FUT8: variants seen among roughly 807,000 people sequenced by gnomAD.
FUT8 encodes the protein fucosyltransferase 8, also known as alpha-(1,6)-fucosyltransferase.
In FUT8, 29 loss-of-function variants were observed where a neutral mutation model predicts 71.3. That is an observed-to-expected ratio of 0.41 (90% CI 0.30 to 0.55). The LOEUF is 0.55. FUT8 is among the 20% of genes least tolerant of loss of function. The pLI is 0.34. For missense variants in FUT8, 544 were observed against 702.1 expected, an observed-to-expected ratio of 0.77 and a Z score of 2.55; for synonymous variants, 254 against 239.3, an observed-to-expected ratio of 1.06 and a Z score of -0.57.
At chr14:65,487,324 G>GTGA (rs1220579803) in intron 2 of FUT8, among the ~76,000 whole-genome samples, 1 of 152,146 alleles carries the variant, frequency 6.6e-6, no homozygotes, top group Non-Finnish European at 1.5e-5. Flanking sequence ...AGCACTTTGG[G>GTGA]AGGCCAGGCA....
intron 2 of FUT8, among the ~76,000 whole-genome samples, chr14:65,475,376 A>C (rs937912742): frequency 1.3e-5 from 2 of 152,118 alleles, no homozygotes; most frequent in African/African-American, 4.8e-5. Flanking sequence ...ACAGAGCTAA[A>C]ATTTATTATT....
chr14:65,398,071 T>G, the FUT8 span, among the ~76,000 whole-genome samples: 1 of 152,378 alleles, frequency 6.6e-6, no homozygotes, highest in South Asian at 2.1e-4. Flanking sequence ...TGTAGAGATT[T>G]AATGAGCATC....
chr14:65,366,034 C>G, the FUT8 span, among the ~76,000 whole-genome samples: 1 of 152,092 alleles, frequency 6.6e-6, no homozygotes, highest in Non-Finnish European at 1.5e-5. Context: ...TAAACTTGCT[C>G]TCACTTTATG....
intron 2 of FUT8, chr14:65,468,228 A>C: frequency 1.6e-6 from 1 of 627,162 alleles, no homozygotes; most frequent in East Asian, 3.7e-5. Context: ...TGATGTCTAC[A>C]ATATCACCTT....
At chr14:65,645,701 C>T (rs1891093318) in intron 6 of FUT8, among the ~76,000 whole-genome samples, 1 of 152,140 alleles carries the variant, frequency 6.6e-6, no homozygotes, top group African/African-American at 2.4e-5. Context: ...ATTGTCTACA[C>T]TACATTTTCA....
intron 7 of FUT8, among the ~76,000 whole-genome samples, chr14:65,717,404 A>T (rs1895163296): frequency 7.5e-6 from 1 of 132,638 alleles, no homozygotes; most frequent in Non-Finnish European, 1.6e-5. Context: ...CTCACCTCCC[A>T]GATGGGGCAG....
chr14:65,677,151 T>TGTGTGTGTGGGTGCGC, intron 7 of FUT8, among the ~76,000 whole-genome samples: 1 of 110,744 alleles, frequency 9.0e-6, no homozygotes, highest in Admixed American at 9.2e-5. Context: ...TGTGTGTGTG[T>TGTGTGTGTGGGTGCGC]GCGCGCGCGC....
chr14:65,393,011 G>A, the FUT8 span, among the ~76,000 whole-genome samples: 4 of 152,154 alleles, frequency 2.6e-5, no homozygotes, highest in African/African-American at 4.8e-5. Context: ...CAATGTTAGC[G>A]GCTACAGACT....
intron 3 of FUT8, among the ~76,000 whole-genome samples, chr14:65,572,355 A>T (rs2140084579): frequency 6.6e-6 from 1 of 152,268 alleles, no homozygotes; most frequent in East Asian, 1.9e-4. Context: ...AACTCATTTA[A>T]TCCCTATAGC....
At chr14:65,609,654 T>C (rs1293765491) in intron 3 of FUT8, among the ~76,000 whole-genome samples, 1 of 151,974 alleles carries the variant, frequency 6.6e-6, no homozygotes, top group African/African-American at 2.4e-5. Context: ...TTATTGTATG[T>C]AGTTTTATAA....
the FUT8 span, among the ~76,000 whole-genome samples, chr14:65,387,282 TA>T: frequency 2.0e-5 from 3 of 152,240 alleles, no homozygotes; most frequent in African/African-American, 2.4e-5. Context: ...AGTCTAAGGC[TA>T]ATTTGGCCTC....
chr14:65,468,485 C>T (rs2066082767), intron 2 of FUT8: 1 of 298,714 alleles, frequency 3.3e-6, no homozygotes, highest in African/African-American at 2.3e-5. Context: ...CTTTATTTCT[C>T]TGTGGATAAG....
intron 2 of FUT8, among the ~76,000 whole-genome samples, chr14:65,533,123 C>A (rs1884066894): frequency 6.6e-6 from 1 of 152,036 alleles, no homozygotes. Context: ...CTTAGGATTA[C>A]CTTGGCTATT....
At chr14:65,395,782 G>A in the FUT8 span, among the ~76,000 whole-genome samples, 1 of 152,250 alleles carries the variant, frequency 6.6e-6, no homozygotes, top group African/African-American at 2.4e-5. Context: ...TCTGCAGCCA[G>A]CTTGAATTTC....
At chr14:65,689,928 C>G (rs1184386624) in intron 7 of FUT8, among the ~76,000 whole-genome samples, 5 of 152,026 alleles carry the variant, frequency 3.3e-5, no homozygotes, top group Non-Finnish European at 2.9e-5. Context: ...AAACTCATTG[C>G]CAAATCCACA....
At chr14:65,731,678 A>T (rs952290042) in intron 9 of FUT8, among the ~76,000 whole-genome samples, 1 of 152,094 alleles carries the variant, frequency 6.6e-6, no homozygotes, top group African/African-American at 2.4e-5. Context: ...TTAAAAAAAT[A>T]ATGGTAGGGT....
At chr14:65,541,525 A>T (rs541929568) in intron 2 of FUT8, among the ~76,000 whole-genome samples, 2 of 152,332 alleles carry the variant, frequency 1.3e-5, no homozygotes, top group African/African-American at 4.8e-5. Flanking sequence ...GGTATTTGAG[A>T]GCAGGAGGTG....
chr14:65,605,495 A>G lies in FUT8; in HGVS notation c.204-10483A>G, dbSNP rs1484081820. Among the ~76,000 whole-genome samples, 4 of 151,888 alleles carry G rather than the reference A, an allele frequency of 2.6e-5. 1 individual carries two copies. Among genetic ancestry groups the G allele is most frequent in the Admixed American group, 6.6e-5 (1 of 15,226 alleles). ...GATGGTGTCCTTATAAGAAGGGGTA[A>G]TTTGGGCAAACAAAAGAGGGGAGGC... On this transcript the variant is annotated intron_variant, in intron 3 of 10. Coordinates refer to ENST00000673929, the MANE Select transcript of FUT8 (RefSeq NM_001371533.1).
intron 3 of FUT8, among the ~76,000 whole-genome samples, chr14:65,594,693 GAGGGGAGCGAGA>G (rs1267629130): frequency 6.6e-6 from 1 of 152,178 alleles, no homozygotes. Context: ...TCTCAGTGGA[GAGGGGAGCGAGA>G]AAGGGAGCGG....
Sources: allele counts gnomAD v4.1 joint callset (sites outside exome capture counted in the v4.1 genomes callset), GRCh38; gene constraint gnomAD v4.1.1; transcripts MANE v1.5; gene names NCBI Gene and HGNC (gene_info 2026-07-23, HGNC 2026-07-21).